The following SDK1 variants were observed in gnomAD, a reference collection of about 807,000 sequenced individuals.
SDK1 encodes sidekick cell adhesion molecule 1, also known as protein sidekick-1.
Under a neutral mutation model 245.5 loss-of-function variants are expected in SDK1, and 157 were observed. The observed-to-expected ratio is 0.64, with a 90% confidence interval of 0.56 to 0.73. SDK1 has a LOEUF of 0.73. SDK1 is among the 30% of genes least tolerant of loss of function. The pLI is 0.00. For missense variants in SDK1, 3,583 were observed against 3,002.3 expected (o/e 1.19, Z -4.52); for synonymous variants, 1,647 against 1,278.5 (o/e 1.29, Z -6.15).
At chr7:4,069,975 C>T (rs1780144323) in intron 20 of SDK1, among the ~76,000 whole-genome samples, 1 of 152,148 alleles carries the variant, frequency 6.6e-6, no homozygotes. Flanking sequence ...GCTCTGAACC[C>T]CACAGCATGG....
At chr7:3,575,373 C>T (rs1269164173) in intron 1 of SDK1, among the ~76,000 whole-genome samples, 2 of 151,978 alleles carry the variant, frequency 1.3e-5, no homozygotes, top group Non-Finnish European at 2.9e-5. Flanking sequence ...TATTATAATG[C>T]CTCCCAAAGG....
At chr7:3,930,240 G>A (rs1207086645) in intron 5 of SDK1, among the ~76,000 whole-genome samples, 2 of 152,054 alleles carry the variant, frequency 1.3e-5, no homozygotes, top group African/African-American at 4.8e-5. Context: ...ACAAGGAGCT[G>A]AGTAACTCAC....
At chr7:3,381,786 T>C (rs551622399) in intron 1 of SDK1, among the ~76,000 whole-genome samples, 1 of 152,230 alleles carries the variant, frequency 6.6e-6, no homozygotes, top group Non-Finnish European at 1.5e-5. Context: ...GAAATGCGGG[T>C]AATTGGGCTG....
chr7:3,828,155 G>T (rs541509470), intron 5 of SDK1, among the ~76,000 whole-genome samples: 4 of 152,120 alleles, frequency 2.6e-5, no homozygotes, highest in African/African-American at 9.6e-5. Flanking sequence ...GTGGGCTCCT[G>T]TAATCCCAGC....
intron 2 of SDK1, among the ~76,000 whole-genome samples, chr7:3,629,276 G>A (rs1782217596): frequency 1.3e-5 from 2 of 150,880 alleles, no homozygotes; most frequent in Non-Finnish European, 2.9e-5. Flanking sequence ...ACTCCAGCCT[G>A]GGAGACAGTA....
chr7:3,357,328 GTTTTTTTTTTTTTTTT>G (rs560124026), intron 1 of SDK1, among the ~76,000 whole-genome samples: 152 of 52,942 alleles, frequency 2.9e-3, no homozygotes, highest in Non-Finnish European at 4.3e-3. Context: ...TTCTTTTAGT[GTTTTTTTTTTTTTTTT>G]TTTTTTTTTT....
At chr7:3,655,485 ATATATATATATATATATATGTATG>A (rs1783148032) in intron 4 of SDK1, among the ~76,000 whole-genome samples, 1 of 67,808 alleles carries the variant, frequency 1.5e-5, no homozygotes, top group Non-Finnish European at 3.3e-5. Flanking sequence ...ATATATATAT[ATATATATATATATATATATGTATG>A]TATGTATATA....
rs1329382690 is a variant in SDK1 at position 4,061,722 on chromosome 7, T to G, written c.2912-6116T>G. ...GCACTATTCACAATAGCAAAGACTT[T>G]GAACCAATCCAAATGTCCAACAATG... is the stretch of plus-strand genomic sequence containing the variant. On this transcript the variant is annotated intron_variant, in intron 19 of 44. Transcript: ENST00000404826. 1.3e-3 allele frequency among the ~76,000 whole-genome samples: 194 copies of G among 152,042 alleles called. 2 individuals are homozygous for G. Among genetic ancestry groups the G allele is most frequent in the Non-Finnish European group, 3.8e-4 (26 of 68,000 alleles).
At chr7:3,674,116 G>T (rs1297968868) in intron 4 of SDK1, among the ~76,000 whole-genome samples, 1 of 152,198 alleles carries the variant, frequency 6.6e-6, no homozygotes, top group Non-Finnish European at 1.5e-5. Context: ...ATCACATGTT[G>T]ATTGAAGCAC....
Position 3,301,508 on chromosome 7 carries a change from C to A in SDK1, c.-79C>A. The stretch of plus-strand genomic sequence containing the variant: ...GGGCGCCGCGCCTCCCGCGGAGTGG[C>A]CGCGCCCGCTCGGAGCCGTCCCGCC... On this transcript the variant is annotated 5_prime_UTR_variant, in exon 1 of 45. Transcript: ENST00000404826. 1 of 472,086 alleles carries A rather than the reference C, an allele frequency of 2.1e-6. No individual in the cohort carries two copies. Among genetic ancestry groups the A allele is most frequent in the Non-Finnish European group, 2.7e-6 (1 of 364,474 alleles). 29.2% of individuals were successfully genotyped at this position (472,086 alleles called of 1,614,324 possible). A position where few individuals can be genotyped will look rare whatever the true frequency, so the allele number is the denominator to read the frequency against.
At chr7:3,462,666 C>G (rs1562500487) in intron 1 of SDK1, among the ~76,000 whole-genome samples, 2 of 152,130 alleles carry the variant, frequency 1.3e-5, no homozygotes, top group East Asian at 3.9e-4. Context: ...CCTTATTCTT[C>G]TTGATGCCTC....
chr7:3,433,610 A>G (rs1300190734), intron 1 of SDK1, among the ~76,000 whole-genome samples: 1 of 152,222 alleles, frequency 6.6e-6, no homozygotes, highest in Non-Finnish European at 1.5e-5. Flanking sequence ...TGCTACATTA[A>G]AGACTGGCTG....
intron 1 of SDK1, among the ~76,000 whole-genome samples, chr7:3,447,554 A>C (rs1214402958): frequency 6.6e-6 from 1 of 152,086 alleles, no homozygotes; most frequent in Non-Finnish European, 1.5e-5. Context: ...AATCACTTAA[A>C]ATTAACTGGA....
intron 28 of SDK1, among the ~76,000 whole-genome samples, chr7:4,133,216 C>A (rs1784961356): frequency 6.6e-6 from 1 of 152,246 alleles, no homozygotes; most frequent in Non-Finnish European, 1.5e-5. Context: ...TTCAGCATTA[C>A]AGCCAGCATA....
At chr7:3,816,403 A>G (rs1295365402) in intron 4 of SDK1, among the ~76,000 whole-genome samples, 1 of 148,548 alleles carries the variant, frequency 6.7e-6, no homozygotes, top group Non-Finnish European at 1.5e-5. Context: ...ATAAAAAATG[A>G]TAAAGGGGAT....
chr7:3,861,168 T>C (rs1024454166), intron 5 of SDK1, among the ~76,000 whole-genome samples: 3 of 152,336 alleles, frequency 2.0e-5, no homozygotes, highest in Admixed American at 1.3e-4. Flanking sequence ...TCGTGTCAAC[T>C]GGAAACAGTT....
chr7:3,621,346 T>A (rs1247748955), intron 2 of SDK1, among the ~76,000 whole-genome samples: 1 of 152,128 alleles, frequency 6.6e-6, no homozygotes, highest in Non-Finnish European at 1.5e-5. Flanking sequence ...TCTTTTTCCA[T>A]TGGAAAAATG....
chr7:3,531,371 G>C (rs780427940), intron 1 of SDK1, among the ~76,000 whole-genome samples: 1 of 152,148 alleles, frequency 6.6e-6, no homozygotes, highest in Non-Finnish European at 1.5e-5. Flanking sequence ...AAATATGACA[G>C]ACATTATCTT....
At chr7:3,321,559 C>T (rs1054648095) in intron 1 of SDK1, among the ~76,000 whole-genome samples, 1 of 152,126 alleles carries the variant, frequency 6.6e-6, no homozygotes, top group African/African-American at 2.4e-5. Flanking sequence ...TTTTCCCCAA[C>T]AGTTAAAGAC....
Sources: allele counts gnomAD v4.1 joint callset (sites outside exome capture counted in the v4.1 genomes callset), GRCh38; gene constraint gnomAD v4.1.1; transcripts MANE v1.5; gene names NCBI Gene and HGNC (gene_info 2026-07-23, HGNC 2026-07-21).